The following CPA6 variants were observed in gnomAD, a reference collection of about 807,000 sequenced individuals.
CPA6 encodes the protein carboxypeptidase B.
A neutral mutation model predicts 63.3 loss-of-function variants in CPA6; 58 were observed. The ratio of observed to expected loss-of-function variants is 0.92; its 90% CI spans 0.74 to 1.14. The LOEUF is 1.14. CPA6 is among the 50% of genes most tolerant of loss of function. CPA6 has a pLI of 0.00. For synonymous variants in CPA6, 185 were observed against 179.0 expected, an observed-to-expected ratio of 1.03 and a Z score of -0.27; for missense variants, 565 against 526.6, an observed-to-expected ratio of 1.07 and a Z score of -0.71.
At chr8:67,452,390 C>T (rs1273631573) in intron 8 of CPA6, 1 of 152,352 alleles carries the variant, frequency 6.6e-6, no homozygotes, top group Middle Eastern at 3.4e-3. Flanking sequence ...TCTCTCTGTT[C>T]TTTCCTTCTC....
At chr8:67,430,052 T>C (rs527710759) in intron 9 of CPA6, among the ~76,000 whole-genome samples, 1 of 152,230 alleles carries the variant, frequency 6.6e-6, no homozygotes, top group Admixed American at 6.5e-5. Context: ...CTCTTTTTTC[T>C]ACTGTATCCT....
intron 8 of CPA6, among the ~76,000 whole-genome samples, chr8:67,466,493 G>A (rs765632739): frequency 2.5e-4 from 38 of 151,926 alleles, no homozygotes; most frequent in African/African-American, 8.9e-4. Flanking sequence ...TTTTAATTTC[G>A]TCTGATAGCT....
intron 1 of CPA6, among the ~76,000 whole-genome samples, chr8:67,725,288 C>A (rs143020433): frequency 3.5e-4 from 54 of 152,262 alleles, no homozygotes; most frequent in African/African-American, 1.3e-3. Flanking sequence ...TGCCTTAGTG[C>A]TAGCCCTTTA....
At chr8:67,446,036 G>A (rs1009362920) in intron 8 of CPA6, among the ~76,000 whole-genome samples, 9 of 152,078 alleles carry the variant, frequency 5.9e-5, no homozygotes, top group African/African-American at 1.9e-4. Context: ...AGGCCGGGGC[G>A]GGCGGATCAC....
intron 8 of CPA6, among the ~76,000 whole-genome samples, chr8:67,438,918 G>A (rs1388159144): frequency 6.6e-6 from 1 of 151,854 alleles, no homozygotes; most frequent in Non-Finnish European, 1.5e-5. Flanking sequence ...ACCAGAATAA[G>A]AAAAATAGAA....
intron 1 of CPA6, among the ~76,000 whole-genome samples, chr8:67,641,241 T>C (rs549663097): frequency 6.6e-5 from 10 of 151,822 alleles, no homozygotes; most frequent in Non-Finnish European, 1.5e-4. Context: ...CAGTAAAACA[T>C]TGTTTGAAAA....
intron 8 of CPA6, among the ~76,000 whole-genome samples, chr8:67,448,004 C>T (rs60078074): frequency 1.2e-3 from 179 of 152,244 alleles, no homozygotes; most frequent in African/African-American, 3.7e-3. Context: ...AGGCTGGTCT[C>T]GAACTCCCAA....
chr8:67,607,214 T>A (rs1027982018), intron 2 of CPA6, among the ~76,000 whole-genome samples: 1 of 110,414 alleles, frequency 9.1e-6, no homozygotes, highest in Non-Finnish European at 1.8e-5. Context: ...CTTCTTCTTC[T>A]TCTTCTTCTT....
chr8:67,515,562 C>T (rs778933595), intron 3 of CPA6, among the ~76,000 whole-genome samples: 20 of 152,208 alleles, frequency 1.3e-4, no homozygotes, highest in African/African-American at 4.8e-4. Flanking sequence ...TGAATCTTCT[C>T]GCTTCCAGGG....
At chr8:67,566,329 T>A (rs1271080309) in intron 2 of CPA6, among the ~76,000 whole-genome samples, 1 of 152,200 alleles carries the variant, frequency 6.6e-6, no homozygotes, top group Non-Finnish European at 1.5e-5. Context: ...CTCCTCATAG[T>A]GTACAGTGTC....
intron 1 of CPA6, among the ~76,000 whole-genome samples, chr8:67,733,204 A>G (rs1434760459): frequency 4.5e-4 from 57 of 127,464 alleles, no homozygotes; most frequent in Admixed American, 1.2e-3. Context: ...CTCAAAAAAA[A>G]AAAAAAAAAA....
intron 2 of CPA6, among the ~76,000 whole-genome samples, chr8:67,597,604 T>C (rs771678002): frequency 1.3e-5 from 2 of 152,220 alleles, no homozygotes; most frequent in Non-Finnish European, 2.9e-5. Context: ...TTTAGCTGTG[T>C]CTAATGTGCT....
intron 2 of CPA6, among the ~76,000 whole-genome samples, chr8:67,543,574 T>TGGGG (rs1408753679): frequency 1.3e-5 from 2 of 152,176 alleles, no homozygotes; most frequent in African/African-American, 4.8e-5. Flanking sequence ...TTCTGAGGCA[T>TGGGG]CCGTTAAGGG....
rs11333162 is a variant in CPA6 at position 67,615,516 on chromosome 8, T to TA, written c.192+8659dup. On this transcript the variant is annotated intron_variant, in intron 2 of 10. Transcript: ENST00000297770. Reference sequence around the variant, plus strand: ...GGATGAATAAAAAAGGTGACCTACATAAAAAAAAGGAAATAAAAACCAGAG... The same window carrying TA: ...GGATGAATAAAAAAGGTGACCTACATAAAAAAAAAGGAAATAAAAACCAGAG... Among the ~76,000 whole-genome samples the TA allele has an allele frequency of 7.3e-5, 11 of 151,712 alleles. No homozygotes were observed. In the South Asian group the frequency reaches 1.2e-3, roughly 17 times the overall value.
intron 1 of CPA6, among the ~76,000 whole-genome samples, chr8:67,672,036 GC>G (rs1816359952): frequency 6.6e-6 from 1 of 151,944 alleles, no homozygotes; most frequent in Non-Finnish European, 1.5e-5. Flanking sequence ...CACCATATTG[GC>G]CAGGCTGGTC....
intron 4 of CPA6, 145 bp from the exon 5 acceptor site, chr8:67,509,763 T>C (rs1503369): frequency 0.4 from 184,231 of 465,930 alleles, 39,952 homozygotes; most frequent in African/African-American, 0.7. Context: ...AACCTACTTC[T>C]TATTTTTAAT....
chr8:67,653,348 A>G (rs1815894446), intron 1 of CPA6, among the ~76,000 whole-genome samples: 1 of 152,036 alleles, frequency 6.6e-6, no homozygotes, highest in African/African-American at 2.4e-5. Flanking sequence ...GGCCATTTTC[A>G]CGATATTGAT....
intron 2 of CPA6, among the ~76,000 whole-genome samples, chr8:67,590,323 T>C (rs528826445): frequency 7.9e-5 from 12 of 151,802 alleles, no homozygotes; most frequent in Admixed American, 7.9e-4. Context: ...AAGTCTTTGC[T>C]ATTGTGAATA....
chr8:67,539,902 C>T (rs968293580), intron 2 of CPA6, among the ~76,000 whole-genome samples: 1 of 152,122 alleles, frequency 6.6e-6, no homozygotes, highest in African/African-American at 2.4e-5. Context: ...GTTCCTGTAA[C>T]TTTTTATCAA....
Sources: gnomAD v4.1 joint callset for allele counts (sites outside exome capture counted in the v4.1 genomes callset) on GRCh38, gnomAD v4.1.1 for gene constraint, MANE v1.5 for transcripts, NCBI Gene and HGNC (gene_info 2026-07-23, HGNC 2026-07-21) for gene names.